The following CTNNA3 variants were observed in gnomAD, a reference collection of about 807,000 sequenced individuals.
CTNNA3 encodes the protein catenin alpha 3.
A neutral mutation model predicts 95.7 loss-of-function variants in CTNNA3; 76 were observed. That is an observed-to-expected ratio of 0.79 (90% CI 0.66 to 0.96). The LOEUF is 0.96. Among genes scored for constraint, CTNNA3 ranks in the 40% least tolerant of loss-of-function variants. CTNNA3 has a pLI of 0.00. For synonymous variants in CTNNA3, 431 were observed against 374.4 expected (o/e 1.15, Z -1.74); for missense variants, 1,191 against 1,089.8 (o/e 1.09, Z -1.31).
chr10:66,841,712 C>T (rs1297391647), intron 7 of CTNNA3, among the ~76,000 whole-genome samples: 3 of 152,142 alleles, frequency 2.0e-5, no homozygotes, highest in South Asian at 2.1e-4. Context: ...GTGAATAAAG[C>T]ATTTCAAATC....
intron 13 of CTNNA3, among the ~76,000 whole-genome samples, chr10:66,230,538 G>A (rs1372534679): frequency 6.6e-6 from 1 of 152,098 alleles, no homozygotes; most frequent in African/African-American, 2.4e-5. Flanking sequence ...AGCTTTACTG[G>A]GGACAGGGAT....
intron 11 of CTNNA3, among the ~76,000 whole-genome samples, chr10:66,398,542 C>A (rs2092996900): frequency 6.6e-6 from 1 of 151,762 alleles, no homozygotes; most frequent in Admixed American, 6.6e-5. Flanking sequence ...TAGGAGAAAC[C>A]AGTGGACGTA....
intron 11 of CTNNA3, among the ~76,000 whole-genome samples, chr10:66,398,480 T>C (rs2092996282): frequency 6.6e-6 from 1 of 151,744 alleles, no homozygotes; most frequent in Non-Finnish European, 1.5e-5. Context: ...GACTCAAACA[T>C]GATGAAAGAC....
intron 5 of CTNNA3, among the ~76,000 whole-genome samples, chr10:67,498,291 A>C (rs1048347923): frequency 6.6e-6 from 1 of 152,136 alleles, no homozygotes. Context: ...CCATTGGTCT[A>C]TATATCTGTT....
chr10:67,481,474 T>C (rs1189738783), intron 5 of CTNNA3, among the ~76,000 whole-genome samples: 1 of 152,172 alleles, frequency 6.6e-6, no homozygotes, highest in African/African-American at 2.4e-5. Context: ...AGCAGTTCTA[T>C]ATACCAATAA....
At chr10:66,348,589 A>C (rs190272998) in intron 12 of CTNNA3, among the ~76,000 whole-genome samples, 1 of 152,264 alleles carries the variant, frequency 6.6e-6, no homozygotes, top group Non-Finnish European at 1.5e-5. Context: ...ACTTAATAGT[A>C]AATTGTGGTT....
At chr10:66,663,894 T>A (rs896639277) in intron 9 of CTNNA3, among the ~76,000 whole-genome samples, 8 of 152,122 alleles carry the variant, frequency 5.3e-5, no homozygotes, top group Admixed American at 4.6e-4. Flanking sequence ...TAAATTAGCA[T>A]TAGTCTCCAA....
intron 2 of CTNNA3, among the ~76,000 whole-genome samples, chr10:67,610,881 A>C (rs1470678465): frequency 6.6e-6 from 1 of 152,198 alleles, no homozygotes; most frequent in Admixed American, 6.5e-5. Context: ...CTCAGACTTC[A>C]GGGGTCCCTC....
chr10:66,543,070 C>T (rs1402014859), intron 10 of CTNNA3, among the ~76,000 whole-genome samples: 5 of 151,892 alleles, frequency 3.3e-5, no homozygotes, highest in Admixed American at 3.3e-4. Context: ...AATGTATATC[C>T]ACTAAGTAAG....
intron 13 of CTNNA3, among the ~76,000 whole-genome samples, chr10:66,273,606 C>G (rs1309461409): frequency 1.3e-5 from 2 of 152,058 alleles, no homozygotes; most frequent in Non-Finnish European, 2.9e-5. Context: ...ATACCATAAT[C>G]AAAGGCGAGG....
intron 5 of CTNNA3, among the ~76,000 whole-genome samples, chr10:67,223,087 G>A (rs1864731838): frequency 6.6e-6 from 1 of 152,150 alleles, no homozygotes; most frequent in African/African-American, 2.4e-5. Context: ...CTGCGAAAAA[G>A]GACTAGATCA....
At chr10:67,233,254 C>T (rs1486805644) in intron 5 of CTNNA3, among the ~76,000 whole-genome samples, 4 of 151,680 alleles carry the variant, frequency 2.6e-5, no homozygotes, top group African/African-American at 9.7e-5. Context: ...TGACCACATA[C>T]TTGGAAGTAA....
intron 4 of CTNNA3, among the ~76,000 whole-genome samples, chr10:67,535,262 A>G (rs1840453878): frequency 6.6e-6 from 1 of 152,124 alleles, no homozygotes; most frequent in Non-Finnish European, 1.5e-5. Flanking sequence ...GGATGTTCAT[A>G]TTTGATTGGT....
At chr10:66,223,817 T>A (rs949171495) in intron 13 of CTNNA3, among the ~76,000 whole-genome samples, 2 of 152,154 alleles carry the variant, frequency 1.3e-5, no homozygotes, top group African/African-American at 4.8e-5. Context: ...GAGATTAGCA[T>A]TTGAATTGGT....
chr10:65,974,785 T>A (rs1371971393), intron 16 of CTNNA3, among the ~76,000 whole-genome samples: 1 of 147,840 alleles, frequency 6.8e-6, no homozygotes, highest in African/African-American at 2.5e-5. Context: ...TTAAAAAAAA[T>A]TAAAAGATGC....
chr10:66,002,979 G>C (rs2078800013), intron 15 of CTNNA3, among the ~76,000 whole-genome samples: 1 of 152,184 alleles, frequency 6.6e-6, no homozygotes, highest in African/African-American at 2.4e-5. Flanking sequence ...ACAAAAGGCT[G>C]TGTTCCTTGT....
intron 9 of CTNNA3, among the ~76,000 whole-genome samples, chr10:66,643,479 G>A (rs2132386608): frequency 6.6e-6 from 1 of 152,194 alleles, no homozygotes; most frequent in East Asian, 1.9e-4. Context: ...AGCTCTAAAT[G>A]GAAGACTACT....
At chr10:65,945,286 G>T (rs1185976492) in intron 17 of CTNNA3, among the ~76,000 whole-genome samples, 1 of 152,052 alleles carries the variant, frequency 6.6e-6, no homozygotes, top group Non-Finnish European at 1.5e-5. Flanking sequence ...ATAATCAGTG[G>T]TGCCTTTAAG....
intron 5 of CTNNA3, among the ~76,000 whole-genome samples, chr10:67,489,788 T>TTTTATA (rs1554843627): frequency 7.0e-6 from 1 of 142,464 alleles, no homozygotes; most frequent in East Asian, 2.0e-4. Flanking sequence ...ATACATGATT[T>TTTTATA]TATATATATA....
Sources: allele counts gnomAD v4.1 joint callset (sites outside exome capture counted in the v4.1 genomes callset), GRCh38; gene constraint gnomAD v4.1.1; transcripts MANE v1.5; gene names NCBI Gene and HGNC (gene_info 2026-07-23, HGNC 2026-07-21).